The following TRMT11 variants were observed in gnomAD, a reference collection of about 807,000 sequenced individuals.
TRMT11 encodes tRNA methyltransferase 11.
In TRMT11, 53 loss-of-function variants were observed where a neutral mutation model predicts 62.8. The observed-to-expected ratio is 0.84, with a 90% CI of 0.68 to 1.06. The LOEUF (loss-of-function observed/expected upper bound fraction) is 1.06, where lower values mean the gene tolerates loss of function less well. Ranked by LOEUF, TRMT11 falls within the 50% of genes least tolerant of loss-of-function variation. The pLI, the probability that TRMT11 is intolerant of heterozygous loss-of-function variation, is 0.00. For missense variants in TRMT11, 556 were observed against 553.4 expected (o/e 1.00, Z -0.05); for synonymous variants, 188 against 190.3 (o/e 0.99, Z 0.10).
intron 1 of TRMT11, among the ~76,000 whole-genome samples, chr6:126,189,662 A>G (rs1316577757): frequency 1.3e-5 from 2 of 152,050 alleles, no homozygotes; most frequent in Non-Finnish European, 2.9e-5. Context: ...AGTACATGTC[A>G]TTAGTTCTTT....
chr6:126,176,074 A>G (rs1319370242), upstream of TRMT11, among the ~76,000 whole-genome samples: 1 of 152,198 alleles, frequency 6.6e-6, no homozygotes, highest in Non-Finnish European at 1.5e-5. Context: ...ATGTGTAATC[A>G]CTGAAACGCC....
At chr6:126,013,221 C>T in intron 11 of TRMT11, 120 bp downstream of exon 11, 1 of 873,202 alleles carries the variant, frequency 1.1e-6, no homozygotes. Context: ...TTGTAATAGC[C>T]TTTGTTTGCC....
intron 17 of TRMT11, among the ~76,000 whole-genome samples, chr6:126,070,462 T>A (rs1440693462): frequency 5.3e-5 from 8 of 152,164 alleles, no homozygotes; most frequent in Non-Finnish European, 1.0e-4. Context: ...GGGAGAAATA[T>A]TTGCAAAATC....
At chr6:126,056,533 C>T (rs551935493) in intron 17 of TRMT11, among the ~76,000 whole-genome samples, 1 of 152,286 alleles carries the variant, frequency 6.6e-6, no homozygotes, top group African/African-American at 2.4e-5. Flanking sequence ...TCCTTTGCAG[C>T]CTCCTGATTG....
At chr6:126,079,181 A>T (rs116523705) in intron 17 of TRMT11, among the ~76,000 whole-genome samples, 1,820 of 152,210 alleles carry the variant, frequency 0.012, 37 homozygotes, top group African/African-American at 0.041. Context: ...CTAAGCTCCT[A>T]ATTTATTTAT....
downstream of TRMT11, among the ~76,000 whole-genome samples, chr6:126,206,744 G>T (rs1458429859): frequency 6.6e-6 from 1 of 152,006 alleles, no homozygotes; most frequent in Non-Finnish European, 1.5e-5. Context: ...TTATCTTCTG[G>T]TTACTTTGTC....
At chr6:126,104,359 A>G (rs559459158) in intron 17 of TRMT11, among the ~76,000 whole-genome samples, 1 of 152,288 alleles carries the variant, frequency 6.6e-6, no homozygotes, top group South Asian at 2.1e-4. Flanking sequence ...TTTCAGAGAG[A>G]GAAACTGGAA....
At chr6:126,166,371 T>C (rs56080056) in intron 21 of TRMT11, among the ~76,000 whole-genome samples, 9,795 of 152,280 alleles carry the variant, frequency 0.064, 452 homozygotes, top group Non-Finnish European at 0.098. Context: ...CTGTTTTTTT[T>C]CCTTCTAATA....
intron 7 of TRMT11, among the ~76,000 whole-genome samples, chr6:126,003,371 T>C (rs1792834399): frequency 6.6e-6 from 1 of 152,074 alleles, no homozygotes; most frequent in African/African-American, 2.4e-5. Flanking sequence ...AGCCAAAAGA[T>C]TGGACCCCTC....
intron 11 of TRMT11, among the ~76,000 whole-genome samples, chr6:126,020,500 A>T (rs1795663741): frequency 6.6e-6 from 1 of 152,172 alleles, no homozygotes; most frequent in African/African-American, 2.4e-5. Flanking sequence ...CATGTAGGAC[A>T]TGTGCTGTAC....
chr6:126,129,293 C>T (rs1777754104), intron 21 of TRMT11, among the ~76,000 whole-genome samples: 1 of 152,036 alleles, frequency 6.6e-6, no homozygotes, highest in African/African-American at 2.4e-5. Context: ...TGGGAGATAC[C>T]TACTTTTTAG....
chr6:126,164,056 T>C (rs1465776490), intron 21 of TRMT11, among the ~76,000 whole-genome samples: 1 of 152,238 alleles, frequency 6.6e-6, no homozygotes, highest in Non-Finnish European at 1.5e-5. Flanking sequence ...GTTATTTTAA[T>C]TGTGATGTTA....
intron 12 of TRMT11, among the ~76,000 whole-genome samples, chr6:126,029,331 T>C (rs1293505492): frequency 6.6e-6 from 1 of 152,120 alleles, no homozygotes; most frequent in African/African-American, 2.4e-5. Context: ...AAGGTCAAGG[T>C]TATAGAGTAA....
chr6:126,105,521 A>G (rs1467871560), intron 17 of TRMT11, among the ~76,000 whole-genome samples: 2 of 152,208 alleles, frequency 1.3e-5, no homozygotes, highest in Non-Finnish European at 1.5e-5. Context: ...GATGCGGGGT[A>G]GAGGCACAGC....
At chr6:126,172,649 C>T (rs1327190077), upstream of TRMT11, among the ~76,000 whole-genome samples, 2 of 152,072 alleles carry the variant, frequency 1.3e-5, no homozygotes, top group African/African-American at 2.4e-5. Flanking sequence ...GACTTTGTGT[C>T]CCATCCGTCC....
chr6:126,217,733 C>A, the TRMT11 span, among the ~76,000 whole-genome samples: 1 of 152,018 alleles, frequency 6.6e-6, no homozygotes, highest in Non-Finnish European at 1.5e-5. Flanking sequence ...CTATGGCTTG[C>A]GGTAATCACT....
intron 3 of TRMT11, among the ~76,000 whole-genome samples, chr6:126,200,417 A>G (rs1479927301): frequency 1.3e-5 from 2 of 152,230 alleles, no homozygotes; most frequent in East Asian, 1.9e-4. Flanking sequence ...TTTAAAATAC[A>G]AAGTCAGAAG....
chr6:126,202,598 C>T (rs1003585829), downstream of TRMT11, among the ~76,000 whole-genome samples: 2 of 152,098 alleles, frequency 1.3e-5, no homozygotes, highest in African/African-American at 4.8e-5. Context: ...AATTTCAGCC[C>T]ATCGCCTGAT....
Position 125,998,001 on chromosome 6 carries a change from C to G in TRMT11, c.213-52C>G, listed in dbSNP as rs368189938. 27 of 1,244,008 alleles carry G rather than the reference C, an allele frequency of 2.2e-5. No individual in the cohort carries two copies. The African/African-American group carries it at 3.8e-4, about 18-fold the overall frequency. 77.1% of individuals were successfully genotyped at this position (1,244,008 alleles called of 1,614,324 possible). ...ACTAGTAAAATGACTGTATGTATTCCTGTGTGAACTAAGTTCTTTACTGAG... is the reference window on the plus strand; with the variant it reads ...ACTAGTAAAATGACTGTATGTATTCGTGTGTGAACTAAGTTCTTTACTGAG... On this transcript the variant is annotated intron_variant, in intron 3 of 12. Coordinates refer to ENST00000334379, the MANE Select transcript of TRMT11 (RefSeq NM_001031712.3).
Sources: gnomAD v4.1 joint callset for allele counts (sites outside exome capture counted in the v4.1 genomes callset) on GRCh38, gnomAD v4.1.1 for gene constraint, MANE v1.5 for transcripts, NCBI Gene and HGNC (gene_info 2026-07-23, HGNC 2026-07-21) for gene names.